The following SOX6 variants were observed in gnomAD, a reference collection of about 807,000 sequenced individuals.
SOX6 encodes SRY-box transcription factor 6.
SOX6 carries 11 observed loss-of-function variants against 97.8 expected under a neutral mutation model. That is an observed-to-expected ratio of 0.11 (90% CI 0.07 to 0.19). SOX6 has a LOEUF of 0.19. SOX6 is among the 10% of genes least tolerant of loss of function. The pLI, the probability that SOX6 is intolerant of heterozygous loss-of-function variation, is 1.00. For synonymous variants in SOX6, 360 were observed against 371.4 expected, an observed-to-expected ratio of 0.97 and a Z score of 0.35; for missense variants, 810 against 1,039.5, an observed-to-expected ratio of 0.78 and a Z score of 3.04.
intron 4 of SOX6, among the ~76,000 whole-genome samples, chr11:16,514,568 T>G (rs1860934152): frequency 6.6e-6 from 1 of 152,052 alleles, no homozygotes; most frequent in South Asian, 2.1e-4. Flanking sequence ...TATTATACTT[T>G]AAGTTTTAGG....
chr11:16,297,298 T>A (rs1027320723), intron 3 of SOX6, among the ~76,000 whole-genome samples: 4 of 152,048 alleles, frequency 2.6e-5, no homozygotes, highest in Non-Finnish European at 4.4e-5. Context: ...ACAAAAAAAA[T>A]TCCATAAATT....
At chr11:16,244,994 A>C (rs1853296866) in intron 3 of SOX6, among the ~76,000 whole-genome samples, 1 of 151,808 alleles carries the variant, frequency 6.6e-6, no homozygotes, top group East Asian at 1.9e-4. Context: ...AAAAAAGAAA[A>C]GACTTTCTGG....
At chr11:16,367,470 G>A (rs992937371) in intron 1 of SOX6, among the ~76,000 whole-genome samples, 22 of 152,120 alleles carry the variant, frequency 1.4e-4, no homozygotes, top group Admixed American at 7.2e-4. Flanking sequence ...GACACAAAGC[G>A]TAACCACATT....
At chr11:16,039,220 T>C (rs923837827) in intron 12 of SOX6, among the ~76,000 whole-genome samples, 2 of 152,122 alleles carry the variant, frequency 1.3e-5, no homozygotes, top group Non-Finnish European at 2.9e-5. Flanking sequence ...ACTGCACGTA[T>C]CACTGCAAAC....
intron 4 of SOX6, among the ~76,000 whole-genome samples, chr11:16,505,610 C>G (rs188898674): frequency 6.6e-6 from 1 of 152,308 alleles, no homozygotes; most frequent in East Asian, 1.9e-4. Context: ...TGAATGTTAA[C>G]AGCCAAGACA....
intron 6 of SOX6, among the ~76,000 whole-genome samples, chr11:16,167,546 G>C (rs1217877669): frequency 6.6e-6 from 1 of 152,084 alleles, no homozygotes; most frequent in East Asian, 1.9e-4. Context: ...GATCATCTGT[G>C]TTCTCATTTC....
intron 15 of SOX6, among the ~76,000 whole-genome samples, chr11:15,977,002 G>A (rs1336335640): frequency 6.6e-6 from 1 of 151,846 alleles, no homozygotes; most frequent in East Asian, 1.9e-4. Context: ...TCCCTTCTTA[G>A]CTCCTCATTG....
At chr11:16,665,140 G>A (rs546982067) in intron 3 of SOX6, among the ~76,000 whole-genome samples, 1 of 151,688 alleles carries the variant, frequency 6.6e-6, no homozygotes, top group Non-Finnish European at 1.5e-5. Context: ...TGGTGAATAT[G>A]GGGAGAGACT....
At chr11:16,696,220 C>T (rs1043838563) in intron 3 of SOX6, among the ~76,000 whole-genome samples, 1 of 152,184 alleles carries the variant, frequency 6.6e-6, no homozygotes, top group African/African-American at 2.4e-5. Context: ...GGTGGTTCAA[C>T]AAATGGTAAT....
chr11:16,641,674 C>T (rs1376165374), intron 3 of SOX6, among the ~76,000 whole-genome samples: 1 of 152,152 alleles, frequency 6.6e-6, no homozygotes, highest in Non-Finnish European at 1.5e-5. Context: ...CCTTCTTTGT[C>T]TCTTTTGATC....
chr11:16,526,701 T>C (rs1479420617), intron 4 of SOX6, among the ~76,000 whole-genome samples: 1 of 152,086 alleles, frequency 6.6e-6, no homozygotes, highest in Non-Finnish European at 1.5e-5. Flanking sequence ...ATACTAACTT[T>C]AAAAGTACTA....
intron 4 of SOX6, among the ~76,000 whole-genome samples, chr11:16,588,253 A>C (rs1370802142): frequency 6.6e-6 from 1 of 152,220 alleles, no homozygotes; most frequent in Non-Finnish European, 1.5e-5. Flanking sequence ...GCAGAGTGTC[A>C]GAGCTCAAAC....
At chr11:16,015,120 C>G in intron 12 of SOX6, 70 bp from the exon 13 acceptor site, 1 of 1,335,274 alleles carries the variant, frequency 7.5e-7, no homozygotes. Context: ...CAGTTTCTAT[C>G]TTGCTTAATG....
chr11:16,069,443 A>G (rs1468178784), intron 9 of SOX6, among the ~76,000 whole-genome samples: 1 of 152,178 alleles, frequency 6.6e-6, no homozygotes, highest in Non-Finnish European at 1.5e-5. Flanking sequence ...GGTTTGGGTT[A>G]TATGAAAAAA....
At chr11:16,192,233 G>T (rs1470537877) in intron 4 of SOX6, among the ~76,000 whole-genome samples, 1 of 152,162 alleles carries the variant, frequency 6.6e-6, no homozygotes, top group African/African-American at 2.4e-5. Flanking sequence ...TACACTTGTT[G>T]TGAATAGCTT....
intron 9 of SOX6, among the ~76,000 whole-genome samples, chr11:16,089,367 T>C (rs1230362819): frequency 6.6e-6 from 1 of 152,056 alleles, no homozygotes. Context: ...AAGAGAAGAA[T>C]GAAAGGTAGG....
At chr11:16,290,222 C>A (rs533430657) in intron 3 of SOX6, among the ~76,000 whole-genome samples, 28 of 152,036 alleles carry the variant, frequency 1.8e-4, no homozygotes, top group African/African-American at 6.7e-4. Flanking sequence ...ACTAAAAAAT[C>A]TGATGAAAAT....
At chr11:16,388,451 T>G (rs190354759) in intron 1 of SOX6, among the ~76,000 whole-genome samples, 69 of 152,264 alleles carry the variant, frequency 4.5e-4, no homozygotes, top group African/African-American at 1.5e-3. Flanking sequence ...TTGTTCTATT[T>G]TTTGAAAGAG....
intron 10 of SOX6, 44 bp from the exon 11 acceptor site, chr11:16,049,982 T>G (rs745950377): frequency 6.2e-7 from 1 of 1,600,252 alleles, no homozygotes; most frequent in Non-Finnish European, 8.6e-7. Context: ...AAAAGACAAA[T>G]GAAGCACATT....
Sources: gnomAD v4.1 joint callset for allele counts (sites outside exome capture counted in the v4.1 genomes callset) on GRCh38, gnomAD v4.1.1 for gene constraint, MANE v1.5 for transcripts, NCBI Gene and HGNC (gene_info 2026-07-23, HGNC 2026-07-21) for gene names.